The following PARD3B variants were observed in gnomAD, a reference collection of about 807,000 sequenced individuals.
PARD3B encodes partitioning defective 3 homolog B.
In PARD3B, 103 loss-of-function variants were observed where a neutral mutation model predicts 130.2. The observed-to-expected ratio is 0.79, with a 90% CI of 0.67 to 0.93. The LOEUF (loss-of-function observed/expected upper bound fraction) is 0.93, where lower values mean the gene tolerates loss of function less well. PARD3B is among the 40% of genes least tolerant of loss of function. The pLI, the probability that PARD3B is intolerant of heterozygous loss-of-function variation, is 0.00. For missense variants in PARD3B, 1,609 were observed against 1,499.2 expected, an observed-to-expected ratio of 1.07 and a Z score of -1.21; for synonymous variants, 583 against 553.2, an observed-to-expected ratio of 1.05 and a Z score of -0.76.
chr2:205,519,082 G>A (rs186682802), intron 21 of PARD3B, among the ~76,000 whole-genome samples: 67 of 152,250 alleles, frequency 4.4e-4, no homozygotes, highest in African/African-American at 1.6e-3. Flanking sequence ...ATTTTCTTAT[G>A]TAGAATCTTG....
intron 2 of PARD3B, among the ~76,000 whole-genome samples, chr2:204,721,437 G>A (rs1472810363): frequency 6.6e-6 from 1 of 152,110 alleles, no homozygotes; most frequent in South Asian, 2.1e-4. Flanking sequence ...GGCATCTCTA[G>A]TAGTTGTTGC....
intron 2 of PARD3B, among the ~76,000 whole-genome samples, chr2:204,892,622 A>G (rs1389910687): frequency 2.0e-5 from 3 of 152,202 alleles, no homozygotes; most frequent in Non-Finnish European, 4.4e-5. Context: ...GTACTGAGAA[A>G]AGATATAGGG....
chr2:205,037,599 ATATT>A (rs1424302394), intron 3 of PARD3B, among the ~76,000 whole-genome samples: 1 of 148,310 alleles, frequency 6.7e-6, no homozygotes, highest in Non-Finnish European at 1.5e-5. Flanking sequence ...TCGACTATAT[ATATT>A]TTATATATAT....
In PARD3B at chr2:205,241,800, A is replaced by G. The variant is rs989543418; in HGVS notation, c.2141-3978A>G. On this transcript the variant is annotated intron_variant, in intron 15 of 22. Transcript: ENST00000406610. The surrounding 1 kb of genome is among the most constrained non-coding windows in gnomAD (Gnocchi z 4.2). ...TAAAATGACACACCTGTCACATTTC[A>G]TATCACTACCATTCCAATCACTGTG... Among the ~76,000 whole-genome samples the G allele has an allele frequency of 1.3e-5, 2 of 152,176 alleles. No homozygotes were observed. The highest frequency in any genetic ancestry group is 6.5e-5 in the Admixed American group (1 of 15,284).
chr2:204,831,750 T>C (rs1321877042), intron 2 of PARD3B, among the ~76,000 whole-genome samples: 1 of 152,198 alleles, frequency 6.6e-6, no homozygotes, highest in Non-Finnish European at 1.5e-5. Context: ...AATAGGATAT[T>C]CCTATTTGAA....
At position 204,780,746 on chromosome 2, in the gene PARD3B, T is replaced by C. The variant is rs144153832; in HGVS notation, c.222+94464T>C. On this transcript the variant is annotated intron_variant, in intron 2 of 22. Coordinates refer to ENST00000406610, the MANE Select transcript of PARD3B (RefSeq NM_001302769.2). ...GGGGGCATATACATATCTGTGCAGT[T>C]ACAGAGACCAGTATTGACAATGTGA... 3.6e-3 allele frequency among the ~76,000 whole-genome samples: 549 copies of C among 152,232 alleles called. 2 individuals are homozygous for C. Among genetic ancestry groups the C allele is most frequent in the African/African-American group, 0.012 (500 of 41,566 alleles).
At chr2:204,822,277 G>A (rs1331498584) in intron 2 of PARD3B, among the ~76,000 whole-genome samples, 1 of 152,208 alleles carries the variant, frequency 6.6e-6, no homozygotes, top group Non-Finnish European at 1.5e-5. Context: ...GTTTGAAGAT[G>A]TGACTGAATT....
intron 22 of PARD3B, among the ~76,000 whole-genome samples, chr2:205,598,120 C>T (rs2054636393): frequency 6.6e-6 from 1 of 152,072 alleles, no homozygotes; most frequent in African/African-American, 2.4e-5. Flanking sequence ...TCAATATTAA[C>T]CTTGAATTTA....
intron 20 of PARD3B, among the ~76,000 whole-genome samples, chr2:205,462,916 G>A (rs931344413): frequency 2.6e-5 from 4 of 152,120 alleles, no homozygotes; most frequent in Non-Finnish European, 4.4e-5. Flanking sequence ...AGCCTTCCAC[G>A]TATTGTAATG....
At chr2:205,580,828 G>GA (rs1393899374) in intron 22 of PARD3B, among the ~76,000 whole-genome samples, 1 of 151,902 alleles carries the variant, frequency 6.6e-6, no homozygotes, top group African/African-American at 2.4e-5. Context: ...AAATGCCTTG[G>GA]AAAAAAAGCT....
intron 3 of PARD3B, among the ~76,000 whole-genome samples, chr2:205,025,126 C>T (rs988042243): frequency 1.3e-5 from 2 of 152,136 alleles, no homozygotes; most frequent in Admixed American, 1.3e-4. Context: ...ATTGAGCTTC[C>T]CCAGGCTGTG....
intron 4 of PARD3B, among the ~76,000 whole-genome samples, chr2:205,097,243 C>T (rs1702455468): frequency 6.6e-6 from 1 of 151,980 alleles, no homozygotes; most frequent in African/African-American, 2.4e-5. Flanking sequence ...GTTTTTGTTG[C>T]TGTCATTAAA....
chr2:204,946,157 A>G (rs750907506), intron 2 of PARD3B, among the ~76,000 whole-genome samples: 1 of 152,188 alleles, frequency 6.6e-6, no homozygotes, highest in South Asian at 2.1e-4. Context: ...TGACTTGCAT[A>G]TTCATCTGCC....
At position 205,015,060 on chromosome 2, in the gene PARD3B, C is replaced by T. The variant is rs1696026933; in HGVS notation, c.395-32521C>T. 6.6e-6 allele frequency among the ~76,000 whole-genome samples: 1 copy of T among 152,136 alleles called. No individual in the cohort carries two copies. Among genetic ancestry groups the T allele is most frequent in the African/African-American group, 2.4e-5 (1 of 41,424 alleles). ...GAAAATCTGAGTATAACTTGCAACT[C>T]CCCAAAAAACTTAACTACTAATACC... On this transcript the variant is annotated intron_variant, in intron 3 of 22. Coordinates refer to ENST00000406610, the MANE Select transcript of PARD3B (RefSeq NM_001302769.2). This position sits in a 1 kb window ranked among gnomAD's most constrained non-coding sequence, Gnocchi z 4.5.
intron 10 of PARD3B, among the ~76,000 whole-genome samples, chr2:205,139,466 T>A (rs529545240): frequency 5.5e-4 from 84 of 152,330 alleles, no homozygotes; most frequent in Non-Finnish European, 7.9e-4. Context: ...TGGGCGTATA[T>A]TTTCAGTGTA....
chr2:204,780,572 A>T (rs941444760), intron 2 of PARD3B, among the ~76,000 whole-genome samples: 2 of 152,142 alleles, frequency 1.3e-5, no homozygotes, highest in Non-Finnish European at 2.9e-5. Context: ...ATTTGTTATG[A>T]AGCTTTCTCA....
intron 4 of PARD3B, among the ~76,000 whole-genome samples, chr2:205,088,136 A>G (rs894506153): frequency 2.0e-5 from 3 of 152,350 alleles, no homozygotes; most frequent in Admixed American, 2.0e-4. Flanking sequence ...CAGTGAGGCC[A>G]TAACTCATGG....
At chr2:204,965,052 G>A (rs774293543) in intron 2 of PARD3B, 100 bp from the exon 3 acceptor site, 58 of 1,164,810 alleles carry the variant, frequency 5.0e-5, no homozygotes, top group Middle Eastern at 2.6e-4. Flanking sequence ...TTGATGAGGC[G>A]ATTTTCTTTG....
intron 2 of PARD3B, among the ~76,000 whole-genome samples, chr2:204,861,244 A>T (rs1346838266): frequency 6.9e-6 from 1 of 144,850 alleles, no homozygotes; most frequent in Non-Finnish European, 1.5e-5. Flanking sequence ...GTGTTTCCAG[A>T]ATTAATTAAT....
Sources: allele counts gnomAD v4.1 joint callset (sites outside exome capture counted in the v4.1 genomes callset), GRCh38; gene constraint gnomAD v4.1.1; non-coding constraint Gnocchi (gnomAD v3.1); transcripts MANE v1.5; gene names NCBI Gene and HGNC (gene_info 2026-07-23, HGNC 2026-07-21).